PCNX1: variants seen among roughly 807,000 people sequenced by gnomAD.
PCNX1 encodes the protein pecanex 1, also known as pecanex-like protein 1.
A neutral mutation model predicts 242.2 loss-of-function variants in PCNX1; 78 were observed. The ratio of observed to expected loss-of-function variants is 0.32; its 90% CI spans 0.27 to 0.39. PCNX1 has a LOEUF of 0.39. Among genes scored for constraint, PCNX1 ranks in the 10% least tolerant of loss-of-function variants. PCNX1 has a pLI of 1.00. For synonymous variants in PCNX1, 1,024 were observed against 1,032.9 expected (o/e 0.99, Z 0.17); for missense variants, 2,581 against 2,856.5 (o/e 0.90, Z 2.20).
intron 2 of PCNX1, among the ~76,000 whole-genome samples, chr14:70,958,542 C>T (rs1386202222): frequency 6.6e-6 from 1 of 152,088 alleles, no homozygotes; most frequent in African/African-American, 2.4e-5. Flanking sequence ...ACTTCATGTC[C>T]CTGCTTCTCT....
In PCNX1 at chr14:71,018,526, C is replaced by G. The variant is rs373922134; in HGVS notation, c.2997-483C>G. 2.4e-4 allele frequency among the ~76,000 whole-genome samples: 37 copies of G among 152,156 alleles called. No individual in the cohort carries two copies. In the Middle Eastern group the frequency reaches 0.01, roughly 42 times the overall value. On this transcript the variant is annotated intron_variant, in intron 11 of 35. Transcript: ENST00000304743. ...TGAGTTTTCTAATTCTTTCAGATGA[C>G]TGAGAGATGGGGGAAGCGAAATCAA...
At chr14:71,041,483 A>T (rs8007425) in intron 19 of PCNX1, among the ~76,000 whole-genome samples, 1 of 151,844 alleles carries the variant, frequency 6.6e-6, no homozygotes, top group Admixed American at 6.6e-5. Flanking sequence ...CAATTTATTC[A>T]CATATAGTTA....
intron 2 of PCNX1, among the ~76,000 whole-genome samples, chr14:70,948,478 C>A (rs1566605570): frequency 6.6e-6 from 1 of 151,964 alleles, no homozygotes; most frequent in Non-Finnish European, 1.5e-5. Flanking sequence ...CACTAGAGAC[C>A]AAAACCAGCA....
intron 26 of PCNX1, among the ~76,000 whole-genome samples, chr14:71,063,410 G>A (rs1015376309): frequency 6.6e-6 from 1 of 152,144 alleles, no homozygotes; most frequent in Non-Finnish European, 1.5e-5. Flanking sequence ...TTATCATTAT[G>A]TACCCAGTAC....
At chr14:71,094,262 A>T (rs2062213518) in intron 30 of PCNX1, among the ~76,000 whole-genome samples, 2 of 152,244 alleles carry the variant, frequency 1.3e-5, no homozygotes, top group African/African-American at 2.4e-5. Flanking sequence ...GATAACAAAC[A>T]GTAGATCAGT....
intron 6 of PCNX1, among the ~76,000 whole-genome samples, chr14:70,983,876 C>T (rs1439445553): frequency 1.3e-5 from 2 of 151,226 alleles, no homozygotes; most frequent in Non-Finnish European, 3.0e-5. Flanking sequence ...TCTTGGCTGA[C>T]AAAGAAACTA....
chr14:70,979,618 T>C (rs1201128198), intron 6 of PCNX1, among the ~76,000 whole-genome samples: 2 of 152,158 alleles, frequency 1.3e-5, no homozygotes, highest in African/African-American at 4.8e-5. Context: ...ATAGTCTGTT[T>C]GATACAGTAA....
intron 26 of PCNX1, among the ~76,000 whole-genome samples, chr14:71,063,969 TAA>T (rs2061386491): frequency 6.6e-6 from 1 of 152,182 alleles, no homozygotes; most frequent in Admixed American, 6.6e-5. Flanking sequence ...TTTTTACTGA[TAA>T]GTGTAAACTG....
Position 71,028,769 on chromosome 14 carries a change from G to T in PCNX1, c.3536G>T (p.Gly1179Val). 1.9e-6 allele frequency: 3 copies of T among 1,601,802 alleles called. No homozygotes were observed. Among genetic ancestry groups the T allele is most frequent in the Non-Finnish European group, 1.7e-6 (2 of 1,172,092 alleles). Residue 1179 changes from glycine to valine, a missense_variant, in exon 16 of 36, where the codon GGA (glycine) becomes GTA (valine). Gly to Val is a moderately radical substitution (Grantham distance 109). Transcript: ENST00000304743. The stretch of plus-strand genomic sequence containing the variant: ...ATTGTTGCAGTAGCCTTATTGTATG[G>T]ATTATGTTATGGGGCTTTAAAGGTG... ...CSIVAVALLY[G>V]LCYGALKDSW... is the part of the protein sequence containing the mutation.
At chr14:70,983,147 C>T (rs974583496) in intron 6 of PCNX1, among the ~76,000 whole-genome samples, 7 of 152,028 alleles carry the variant, frequency 4.6e-5, no homozygotes, top group Admixed American at 2.6e-4. Context: ...TTGTATCTAA[C>T]GGGTTGATAT....
intron 26 of PCNX1, among the ~76,000 whole-genome samples, chr14:71,059,848 G>T (rs559849115): frequency 7.2e-5 from 11 of 152,112 alleles, no homozygotes; most frequent in Non-Finnish European, 1.5e-4. Flanking sequence ...TCACTTTACA[G>T]CACTATCTGC....
intron 19 of PCNX1, among the ~76,000 whole-genome samples, chr14:71,040,269 GT>G (rs371903183): frequency 1.1e-4 from 17 of 152,192 alleles, no homozygotes; most frequent in African/African-American, 4.1e-4. Context: ...AGGATGACAG[GT>G]TTTTTCTCTT....
At position 71,036,139 on chromosome 14, in the gene PCNX1, A is replaced by T. The variant is rs143207839; in HGVS notation, c.3849A>T (p.Thr1283=). 162 of 1,592,638 alleles carry T rather than the reference A, an allele frequency of 1.0e-4. No homozygotes were observed. The South Asian group carries it at 1.7e-3, about 16-fold the overall frequency. ...TGTATTTTGCTATTCATGTAAGCAC[A>T]GTCTTCACAGTATTGCAGGTAAGGA... ...GVLYFAIHVS[T]VFTVLQPALK... The change falls in exon 19 of 36, where the codon ACA becomes ACT. Residue 1283 remains threonine (T), a synonymous_variant. Coordinates refer to ENST00000304743, the MANE Select transcript of PCNX1 (RefSeq NM_014982.3).
Position 71,073,561 on chromosome 14 carries a change from A to G in PCNX1, c.4869A>G (p.Gln1623=), listed in dbSNP as rs1191278925. The change falls in exon 27 of 36, where the codon CAA becomes CAG. Residue 1623 remains glutamine (Q), a synonymous_variant. Coordinates refer to ENST00000304743, the MANE Select transcript of PCNX1 (RefSeq NM_014982.3). ...CTCTCTAAGGTACCTACTGTCAACAACGGGAAGTGGAGGCCATTACTGAAG... is the reference window on the plus strand; with the variant it reads ...CTCTCTAAGGTACCTACTGTCAACAGCGGGAAGTGGAGGCCATTACTGAAG... ...GLEFRGTYCQ[Q]REVEAITEGV... The G allele has an allele frequency of 6.2e-7, 1 of 1,611,934 alleles. No homozygotes were observed. Among genetic ancestry groups the G allele is most frequent in the Admixed American group, 1.7e-5 (1 of 59,762 alleles).
intron 5 of PCNX1, among the ~76,000 whole-genome samples, chr14:70,971,597 T>C (rs2058544491): frequency 6.6e-6 from 1 of 152,230 alleles, no homozygotes; most frequent in Admixed American, 6.5e-5. Context: ...GCTTCTCTAC[T>C]ATTAATATGG....
intron 16 of PCNX1, among the ~76,000 whole-genome samples, chr14:71,029,281 A>G (rs17108903): frequency 1.6e-3 from 248 of 152,296 alleles, no homozygotes; most frequent in African/African-American, 5.7e-3. Flanking sequence ...AAGATTGTCA[A>G]CAAGTTGTAA....
At chr14:70,912,447 C>T (rs954682425) in intron 1 of PCNX1, among the ~76,000 whole-genome samples, 1 of 152,130 alleles carries the variant, frequency 6.6e-6, no homozygotes, top group South Asian at 2.1e-4. Context: ...TAACTACCAG[C>T]CCCTGACTGA....
intron 12 of PCNX1, among the ~76,000 whole-genome samples, chr14:71,019,365 G>T (rs547597482): frequency 6.6e-6 from 1 of 152,244 alleles, no homozygotes; most frequent in African/African-American, 2.4e-5. Context: ...CTAAAAACAA[G>T]TTTTTTGTAT....
intron 6 of PCNX1, among the ~76,000 whole-genome samples, chr14:70,986,505 G>A (rs538845491): frequency 1.3e-5 from 2 of 152,248 alleles, no homozygotes; most frequent in Admixed American, 1.3e-4. Context: ...GGACACTGTA[G>A]TTTGTCTTTT....
Sources: allele counts gnomAD v4.1 joint callset (sites outside exome capture counted in the v4.1 genomes callset), GRCh38; gene constraint gnomAD v4.1.1; transcripts MANE v1.5; gene names NCBI Gene and HGNC (gene_info 2026-07-23, HGNC 2026-07-21).